PLXNA4: variants seen among roughly 807,000 people sequenced by gnomAD.
The protein encoded by PLXNA4 is plexin-A4.
Under a neutral mutation model 191.8 loss-of-function variants are expected in PLXNA4, and 44 were observed. That is an observed-to-expected ratio of 0.23 (90% CI 0.18 to 0.29). The LOEUF (loss-of-function observed/expected upper bound fraction) is 0.29, where lower values mean the gene tolerates loss of function less well. PLXNA4 is among the 10% of genes least tolerant of loss of function. The pLI, the probability that PLXNA4 is intolerant of heterozygous loss-of-function variation, is 1.00. For synonymous variants in PLXNA4, 1,082 were observed against 1,009.5 expected (o/e 1.07, Z -1.36); for missense variants, 1,800 against 2,488.8 (o/e 0.72, Z 5.89).
intron 3 of PLXNA4, among the ~76,000 whole-genome samples, chr7:132,488,662 AG>A (rs1390693717): frequency 6.6e-6 from 1 of 152,102 alleles, no homozygotes; most frequent in African/African-American, 2.4e-5. Context: ...CTCCCAACAC[AG>A]CTGATGAGCC....
intron 3 of PLXNA4, among the ~76,000 whole-genome samples, chr7:132,485,819 C>G (rs1448579213): frequency 6.6e-6 from 1 of 152,184 alleles, no homozygotes; most frequent in African/African-American, 2.4e-5. Flanking sequence ...TCAAAGACAT[C>G]TAAATTGGCA....
At chr7:132,564,434 T>C (rs1448344167) in intron 1 of PLXNA4, among the ~76,000 whole-genome samples, 2 of 151,842 alleles carry the variant, frequency 1.3e-5, no homozygotes, top group Admixed American at 1.3e-4. Flanking sequence ...GGAGCCCTTC[T>C]TCATGTCCTG....
At chr7:132,543,523 G>A (rs1159006114) in intron 1 of PLXNA4, among the ~76,000 whole-genome samples, 2 of 152,092 alleles carry the variant, frequency 1.3e-5, no homozygotes, top group Non-Finnish European at 2.9e-5. Flanking sequence ...TCCACTTTCT[G>A]AATTTTTATC....
chr7:132,400,190 C>T (rs1202736248), intron 3 of PLXNA4, among the ~76,000 whole-genome samples: 1 of 152,142 alleles, frequency 6.6e-6, no homozygotes, highest in Non-Finnish European at 1.5e-5. Context: ...TCATACCAGG[C>T]ACAGAGTGAA....
chr7:132,482,345 CTTG>C (rs1797373467), intron 3 of PLXNA4, among the ~76,000 whole-genome samples: 1 of 152,222 alleles, frequency 6.6e-6, no homozygotes, highest in Admixed American at 6.5e-5. Context: ...TGCTGCACTC[CTTG>C]TTGTGCACGT....
At chr7:132,170,672 G>T (rs1041487422) in intron 21 of PLXNA4, among the ~76,000 whole-genome samples, 1 of 152,222 alleles carries the variant, frequency 6.6e-6, no homozygotes, top group African/African-American at 2.4e-5. Context: ...CAACCAGGAG[G>T]CCAGCCCCAG....
intron 2 of PLXNA4, among the ~76,000 whole-genome samples, chr7:132,610,432 C>T (rs958021602): frequency 2.0e-5 from 3 of 152,216 alleles, no homozygotes; most frequent in South Asian, 4.1e-4. Context: ...GCTTCTCATC[C>T]TCGTCCTCTG....
intron 3 of PLXNA4, among the ~76,000 whole-genome samples, chr7:132,368,130 A>G (rs1310488944): frequency 1.3e-5 from 2 of 152,078 alleles, no homozygotes; most frequent in Admixed American, 1.3e-4. Flanking sequence ...AATGGGCTGG[A>G]CAGCAGGGTG....
intron 26 of PLXNA4, 90 bp from the exon 27 acceptor site, chr7:132,148,089 G>T (rs1795488840): frequency 1.3e-6 from 2 of 1,586,288 alleles, no homozygotes; most frequent in Non-Finnish European, 1.7e-6. Flanking sequence ...GGCACTAAGG[G>T]GAAATTGGTG....
Position 132,310,941 on chromosome 7 carries a change from A to G in PLXNA4, c.1372-12719T>C, listed in dbSNP as rs184178102. ...GAAGGTGGAGGATGCAACTTCAACA[A>G]GGCTGGGGTGCCTTTCTCCATTCAC... On this transcript the variant is annotated intron_variant, in intron 3 of 31. Coordinates refer to ENST00000321063, the MANE Select transcript of PLXNA4 (RefSeq NM_020911.2). 2.0e-5 allele frequency among the ~76,000 whole-genome samples: 3 copies of G among 152,304 alleles called. No individual in the cohort carries two copies. The East Asian group carries it at 5.8e-4, about 29-fold the overall frequency.
chr7:132,454,564 C>A (rs899723410), intron 3 of PLXNA4, among the ~76,000 whole-genome samples: 4 of 152,160 alleles, frequency 2.6e-5, no homozygotes, highest in South Asian at 4.2e-4. Flanking sequence ...CATGTCACTG[C>A]CTTTCCACAA....
At chr7:132,606,803 T>A (rs1802933263) in intron 2 of PLXNA4, among the ~76,000 whole-genome samples, 1 of 152,090 alleles carries the variant, frequency 6.6e-6, no homozygotes, top group Non-Finnish European at 1.5e-5. Context: ...TGGCAAAAAA[T>A]TTCATTCATC....
At chr7:132,512,107 C>T (rs1563143857) in intron 1 of PLXNA4, among the ~76,000 whole-genome samples, 1 of 152,346 alleles carries the variant, frequency 6.6e-6, no homozygotes, top group African/African-American at 2.4e-5. Context: ...GCCCTCAAAA[C>T]GTCTCTGCCA....
intron 4 of PLXNA4, among the ~76,000 whole-genome samples, chr7:132,263,352 C>CA (rs1477641490): frequency 6.6e-6 from 1 of 152,228 alleles, no homozygotes; most frequent in Non-Finnish European, 1.5e-5. Context: ...CAGGCATCTG[C>CA]AGCACTTCGA....
At chr7:132,444,435 A>G (rs1444255617) in intron 3 of PLXNA4, among the ~76,000 whole-genome samples, 1 of 152,160 alleles carries the variant, frequency 6.6e-6, no homozygotes, top group Non-Finnish European at 1.5e-5. Flanking sequence ...TTTTACTCTT[A>G]GTAGAGATGG....
chr7:132,396,464 AG>A (rs1283732049), intron 3 of PLXNA4, among the ~76,000 whole-genome samples: 4 of 152,132 alleles, frequency 2.6e-5, no homozygotes, highest in African/African-American at 4.8e-5. Flanking sequence ...GATTAGTGGC[AG>A]GGCTGGACTT....
chr7:132,593,546 T>C (rs1434229946), intron 2 of PLXNA4, among the ~76,000 whole-genome samples: 1 of 152,080 alleles, frequency 6.6e-6, no homozygotes, highest in Non-Finnish European at 1.5e-5. Context: ...GGAGGATGGC[T>C]CAGGAGAAGG....
At chr7:132,591,627 G>C (rs1004746835) in intron 2 of PLXNA4, among the ~76,000 whole-genome samples, 2 of 151,964 alleles carry the variant, frequency 1.3e-5, no homozygotes, top group African/African-American at 4.8e-5. Flanking sequence ...TACTGGTAAG[G>C]GTCCAGATTT....
intron 3 of PLXNA4, among the ~76,000 whole-genome samples, chr7:132,427,254 C>T (rs117921365): frequency 9.0e-4 from 137 of 152,320 alleles, no homozygotes; most frequent in Non-Finnish European, 1.5e-3. Flanking sequence ...GCGCACTGGA[C>T]GTCTGAGCTC....
Sources: gnomAD v4.1 joint callset for allele counts (sites outside exome capture counted in the v4.1 genomes callset) on GRCh38, gnomAD v4.1.1 for gene constraint, MANE v1.5 for transcripts, NCBI Gene and HGNC (gene_info 2026-07-23, HGNC 2026-07-21) for gene names.